TMPRSS7: variants seen among roughly 807,000 people sequenced by gnomAD.
TMPRSS7 encodes transmembrane protease serine 7.
A neutral mutation model predicts 95.6 loss-of-function variants in TMPRSS7; 81 were observed. The ratio of observed to expected loss-of-function variants is 0.85; its 90% CI spans 0.71 to 1.02. The LOEUF (loss-of-function observed/expected upper bound fraction) is 1.02, where lower values mean the gene tolerates loss of function less well. Among genes scored for constraint, TMPRSS7 ranks in the 50% least tolerant of loss-of-function variants. The pLI is 0.00. For synonymous variants in TMPRSS7, 364 were observed against 337.8 expected, an observed-to-expected ratio of 1.08 and a Z score of -0.85; for missense variants, 945 against 955.2, an observed-to-expected ratio of 0.99 and a Z score of 0.14.
rs532839409 is a variant in TMPRSS7 at position 112,035,668 on chromosome 3, G to A, written c.48+775G>A. ...AGAATGTGTGGTTAAAAGCTATTTCGTCTCTGGAGTTTAGTTACCCTGACT... is the reference window on the plus strand; with the variant it reads ...AGAATGTGTGGTTAAAAGCTATTTCATCTCTGGAGTTTAGTTACCCTGACT... On this transcript the variant is annotated intron_variant, in intron 1 of 17. Transcript: ENST00000452346. 6.6e-5 allele frequency among the ~76,000 whole-genome samples: 10 copies of A among 152,276 alleles called. No individual in the cohort carries two copies. The South Asian group carries it at 1.5e-3, about 22-fold the overall frequency.
chr3:112,069,740 G>A (rs951868162), intron 13 of TMPRSS7, among the ~76,000 whole-genome samples: 9 of 151,678 alleles, frequency 5.9e-5, no homozygotes, highest in South Asian at 2.1e-4. Context: ...TCTTGCTAGC[G>A]GTCTATCAAT....
intron 2 of TMPRSS7, among the ~76,000 whole-genome samples, chr3:112,041,646 G>A (rs919218143): frequency 1.3e-5 from 2 of 152,138 alleles, no homozygotes; most frequent in Non-Finnish European, 2.9e-5. Context: ...ATGGGCCACA[G>A]AAAAGTAACA....
exon 10 of TMPRSS7, chr3:112,057,047 T>C: frequency 6.2e-7 from 1 of 1,611,544 alleles, no homozygotes; most frequent in Non-Finnish European, 8.5e-7. Flanking sequence ...ACTCTTGGCA[T>C]AGCACTGAAA....
rs140725969 is a variant in TMPRSS7, at chr3:112,063,540, C to A, written c.1463C>A (p.Ser488Tyr). 6 of 1,613,910 alleles carry A rather than the reference C, an allele frequency of 3.7e-6. No individual in the cohort carries two copies. In the African/African-American group the frequency reaches 5.3e-5, roughly 14 times the overall value. ...TTGCCCATAGCCTGCCCTGTTGGAT[C>A]TTTTAGATGCTCCTCCGGTTTATGT... The change falls in exon 12 of 18, where the codon TCT becomes TAT. Residue 488 changes from serine (S) to tyrosine (Y), a missense_variant. Physicochemically the swap from Ser to Tyr is moderately radical, Grantham distance 144. Coordinates refer to ENST00000452346, the Ensembl canonical transcript of TMPRSS7.
At chr3:112,054,900 C>G (rs1393344234) in intron 9 of TMPRSS7, among the ~76,000 whole-genome samples, 1 of 151,950 alleles carries the variant, frequency 6.6e-6, no homozygotes, top group East Asian at 1.9e-4. Flanking sequence ...CCACCAAGTC[C>G]AGCTAATTTT....
At chr3:112,076,761 A>C in intron 15 of TMPRSS7, 115 bp from the exon 16 acceptor site, 1 of 1,251,128 alleles carries the variant, frequency 8.0e-7, no homozygotes, top group South Asian at 1.4e-5. Flanking sequence ...GACTATAATA[A>C]CACCCTGGAA....
At chr3:112,037,871 A>G (rs1358511899) in intron 1 of TMPRSS7, among the ~76,000 whole-genome samples, 1 of 152,172 alleles carries the variant, frequency 6.6e-6, no homozygotes, top group Non-Finnish European at 1.5e-5. Flanking sequence ...AGTAATGTCT[A>G]GTTTATCTGA....
chr3:112,075,303 G>A lies in TMPRSS7; in HGVS notation c.1784-18G>A, dbSNP rs2073697883. The stretch of plus-strand genomic sequence containing the variant: ...TTCCAAGTCTACCTTTAAATCACAT[G>A]CCCTTTCTCCACCAAAGCCTGCAGC... On this transcript the variant is annotated intron_variant, in intron 14 of 17. Coordinates refer to ENST00000452346, the Ensembl canonical transcript of TMPRSS7. 3.6e-6 allele frequency: 5 copies of A among 1,394,386 alleles called. No homozygotes were observed. Among genetic ancestry groups the A allele is most frequent in the Non-Finnish European group, 4.7e-6 (5 of 1,064,888 alleles). The allele number at this position is 1,394,386 out of a possible 1,614,324, so 86.4% of individuals were successfully genotyped here.
intron 12 of TMPRSS7, among the ~76,000 whole-genome samples, chr3:112,064,419 G>A (rs1197099778): frequency 6.6e-6 from 1 of 151,916 alleles, no homozygotes; most frequent in Non-Finnish European, 1.5e-5. Flanking sequence ...CACAATCACA[G>A]CTCACTGCAG....
chr3:112,036,836 G>T (rs1342915347), intron 1 of TMPRSS7, among the ~76,000 whole-genome samples: 1 of 152,162 alleles, frequency 6.6e-6, no homozygotes, highest in African/African-American at 2.4e-5. Flanking sequence ...GACATTTATT[G>T]GTTCCCTAAA....
intron 13 of TMPRSS7, among the ~76,000 whole-genome samples, chr3:112,073,588 C>T (rs945000310): frequency 6.6e-6 from 1 of 152,002 alleles, no homozygotes; most frequent in Non-Finnish European, 1.5e-5. Context: ...ATGGGGTTGT[C>T]TGTTTTTTTC....
intron 10 of TMPRSS7, among the ~76,000 whole-genome samples, chr3:112,057,641 C>T (rs2073448386): frequency 6.6e-6 from 1 of 152,202 alleles, no homozygotes; most frequent in Non-Finnish European, 1.5e-5. Context: ...TAATTTGTCT[C>T]TTAATTATTG....
chr3:112,063,785 T>C (rs192445110), intron 12 of TMPRSS7, among the ~76,000 whole-genome samples, 153 bp downstream of exon 12: 2 of 152,346 alleles, frequency 1.3e-5, no homozygotes, highest in Admixed American at 6.5e-5. Context: ...CAATCATTTA[T>C]TCTTGATCAT....
chr3:112,073,710 GTTTCT>G (rs2073679764), intron 13 of TMPRSS7, among the ~76,000 whole-genome samples: 1 of 152,138 alleles, frequency 6.6e-6, no homozygotes, highest in Non-Finnish European at 1.5e-5. Context: ...TCTGATGGTA[GTTTCT>G]TTTGTAATAC....
chr3:112,060,082 G>A (rs976359586), intron 10 of TMPRSS7, among the ~76,000 whole-genome samples: 46 of 152,176 alleles, frequency 3.0e-4, no homozygotes, highest in African/African-American at 6.3e-4. Flanking sequence ...GGTAGATTCC[G>A]TGATGCCCCA....
At chr3:112,036,999 T>A (rs935912053) in intron 1 of TMPRSS7, among the ~76,000 whole-genome samples, 1 of 152,222 alleles carries the variant, frequency 6.6e-6, no homozygotes, top group African/African-American at 2.4e-5. Flanking sequence ...GTCATCTTTG[T>A]AAACTGAGGA....
chr3:112,044,392 G>A lies in TMPRSS7; in HGVS notation c.497+70G>A, dbSNP rs1051698458. The A allele has an allele frequency of 1.4e-5, 19 of 1,319,962 alleles. No individual in the cohort carries two copies. The African/African-American group carries it at 2.6e-4, about 18-fold the overall frequency. The allele number at this position is 1,319,962 out of a possible 1,614,324, so 81.8% of individuals were successfully genotyped here. A position where few individuals can be genotyped will look rare whatever the true frequency, so the allele number is the denominator to read the frequency against. ...AAAGTCCATTCAAGGCTATGAAAAG[G>A]CTGAGATTCCACCATTCCCAAGTAA... On this transcript the variant is annotated intron_variant, in intron 4 of 17. Coordinates refer to ENST00000452346, the Ensembl canonical transcript of TMPRSS7.
At chr3:112,058,365 G>A (rs951414423) in intron 10 of TMPRSS7, among the ~76,000 whole-genome samples, 2 of 152,094 alleles carry the variant, frequency 1.3e-5, no homozygotes, top group African/African-American at 4.8e-5. Context: ...AGAAGACCTG[G>A]GTTCAAGTTC....
At chr3:112,037,640 C>A (rs138317473) in intron 1 of TMPRSS7, among the ~76,000 whole-genome samples, 3 of 152,254 alleles carry the variant, frequency 2.0e-5, no homozygotes, top group African/African-American at 7.2e-5. Flanking sequence ...CTTTGAAAAT[C>A]GCTAATAAAA....
Sources: allele counts gnomAD v4.1 joint callset (sites outside exome capture counted in the v4.1 genomes callset), GRCh38; gene constraint gnomAD v4.1.1; transcripts MANE v1.5; gene names NCBI Gene and HGNC (gene_info 2026-07-23, HGNC 2026-07-21).